EYS: variants seen among roughly 807,000 people sequenced by gnomAD.
EYS encodes the protein protein eyes shut homolog.
EYS carries 250 observed loss-of-function variants against 282.1 expected under a neutral mutation model. The ratio of observed to expected loss-of-function variants is 0.89; its 90% CI spans 0.80 to 0.98. The LOEUF (loss-of-function observed/expected upper bound fraction) is 0.98. Ranked by LOEUF, EYS falls within the 50% of genes least tolerant of loss-of-function variation. EYS has a pLI of 0.00. For missense variants in EYS, 4,016 were observed against 3,709.0 expected (o/e 1.08, Z -2.15); for synonymous variants, 1,355 against 1,282.9 (o/e 1.06, Z -1.20).
At chr6:64,564,057 G>A (rs914950237) in intron 26 of EYS, among the ~76,000 whole-genome samples, 16 of 151,792 alleles carry the variant, frequency 1.1e-4, no homozygotes, top group African/African-American at 3.1e-4. Flanking sequence ...GTTGCAATGA[G>A]CATGGGTAAA....
intron 33 of EYS, among the ~76,000 whole-genome samples, chr6:64,061,981 T>G (rs77162851): frequency 0.023 from 3,470 of 151,978 alleles, 137 homozygotes; most frequent in African/African-American, 0.08. Flanking sequence ...AAAAAAAAGT[T>G]TTTAGCCATC....
At chr6:64,055,624 A>G (rs1770959382) in intron 33 of EYS, among the ~76,000 whole-genome samples, 1 of 152,120 alleles carries the variant, frequency 6.6e-6, no homozygotes, top group Admixed American at 6.6e-5. Context: ...TGTTCTAATG[A>G]TATATCAGTG....
At chr6:64,333,812 A>G (rs1341445782) in intron 29 of EYS, among the ~76,000 whole-genome samples, 1 of 152,184 alleles carries the variant, frequency 6.6e-6, no homozygotes, top group Non-Finnish European at 1.5e-5. Context: ...TATCAGTTGA[A>G]AATGTGTTTA....
chr6:64,203,304 G>T (rs1028934180), intron 31 of EYS, among the ~76,000 whole-genome samples: 3 of 152,204 alleles, frequency 2.0e-5, no homozygotes, highest in Non-Finnish European at 4.4e-5. Flanking sequence ...TTCCCAAGTG[G>T]TGGGCAAGCC....
chr6:64,702,062 A>G (rs1770812413), intron 22 of EYS, among the ~76,000 whole-genome samples: 1 of 152,018 alleles, frequency 6.6e-6, no homozygotes. Flanking sequence ...GTTTTCAATA[A>G]CAAAAAACCT....
At chr6:65,670,468 C>G (rs776023774) in intron 1 of EYS, among the ~76,000 whole-genome samples, 3 of 152,030 alleles carry the variant, frequency 2.0e-5, no homozygotes. Context: ...ATATTAAACT[C>G]TGTGTGTGCT....
intron 1 of EYS, among the ~76,000 whole-genome samples, chr6:65,689,362 T>G (rs1158473989): frequency 6.2e-5 from 9 of 146,016 alleles, no homozygotes; most frequent in East Asian, 2.5e-4. Flanking sequence ...CATCACACAC[T>G]GGGGCCTGTT....
At chr6:63,840,416 T>A (rs1771926857) in intron 36 of EYS, among the ~76,000 whole-genome samples, 1 of 152,064 alleles carries the variant, frequency 6.6e-6, no homozygotes, top group African/African-American at 2.4e-5. Context: ...CTTGAGTTCC[T>A]TGTATATTCT....
intron 2 of EYS, among the ~76,000 whole-genome samples, chr6:65,500,845 A>T (rs1296046704): frequency 6.6e-6 from 1 of 151,932 alleles, no homozygotes; most frequent in African/African-American, 2.4e-5. Context: ...CAGTGATGTC[A>T]GGAGGTAGAA....
intron 35 of EYS, among the ~76,000 whole-genome samples, chr6:63,903,129 T>C (rs1384331388): frequency 6.6e-6 from 1 of 152,192 alleles, no homozygotes; most frequent in East Asian, 1.9e-4. Flanking sequence ...CTAGGTCAGC[T>C]TTACAGGTGT....
At chr6:64,417,649 T>C (rs943994471) in intron 28 of EYS, among the ~76,000 whole-genome samples, 4 of 150,538 alleles carry the variant, frequency 2.7e-5, no homozygotes, top group African/African-American at 9.7e-5. Context: ...AAATAATGCA[T>C]ATTCTTACCT....
At position 65,231,785 on chromosome 6, in the gene EYS, C is replaced by T. The variant is rs548278147; in HGVS notation, c.2023+64078G>A. ...TATAATTCCTTAAATCCTTAGTTACCGAGAAATATGCAACTATGCAGTCAT... is the reference window on the plus strand; with the variant it reads ...TATAATTCCTTAAATCCTTAGTTACTGAGAAATATGCAACTATGCAGTCAT... On this transcript the variant is annotated intron_variant, in intron 12 of 42. Transcript: ENST00000503581. Among the ~76,000 whole-genome samples the T allele has an allele frequency of 5.9e-5, 9 of 151,586 alleles. No individual in the cohort carries two copies. In the South Asian group the frequency reaches 1.7e-3, roughly 28 times the overall value.
intron 36 of EYS, among the ~76,000 whole-genome samples, chr6:63,839,198 C>T (rs1771885452): frequency 6.6e-6 from 1 of 152,174 alleles, no homozygotes; most frequent in Non-Finnish European, 1.5e-5. Context: ...CATTAACTAA[C>T]CTTTGGCTAT....
chr6:63,983,094 G>A (rs1477380996), intron 35 of EYS, among the ~76,000 whole-genome samples: 1 of 151,790 alleles, frequency 6.6e-6, no homozygotes, highest in Non-Finnish European at 1.5e-5. Context: ...CTTGAGGAAA[G>A]TGATGATAGT....
At chr6:65,471,407 C>CA (rs1205287740) in intron 5 of EYS, among the ~76,000 whole-genome samples, 17 of 150,340 alleles carry the variant, frequency 1.1e-4, no homozygotes, top group East Asian at 7.8e-4. Flanking sequence ...AAAACAAAAA[C>CA]AAAAAAAAGG....
At chr6:64,342,388 A>C (rs1771154847) in intron 29 of EYS, among the ~76,000 whole-genome samples, 1 of 152,018 alleles carries the variant, frequency 6.6e-6, no homozygotes, top group South Asian at 2.1e-4. Flanking sequence ...TCTACAAGCC[A>C]GAAGAGAGTG....
At chr6:64,886,216 C>A (rs567131307) in intron 19 of EYS, among the ~76,000 whole-genome samples, 1 of 151,944 alleles carries the variant, frequency 6.6e-6, no homozygotes, top group South Asian at 2.1e-4. Context: ...ATGACTTTTG[C>A]CTTTATGTTT....
chr6:64,404,382 T>A (rs570154722), intron 28 of EYS, among the ~76,000 whole-genome samples: 11 of 40,752 alleles, frequency 2.7e-4, no homozygotes, highest in South Asian at 5.6e-4. Context: ...AGTGTGAGAG[T>A]GTGTGTGTGT....
At chr6:65,038,216 C>A (rs1023620377) in intron 13 of EYS, among the ~76,000 whole-genome samples, 2 of 151,548 alleles carry the variant, frequency 1.3e-5, no homozygotes, top group African/African-American at 4.8e-5. Context: ...TTAAAACTCA[C>A]ATTTTTTAAA....
Sources: gnomAD v4.1 joint callset for allele counts (sites outside exome capture counted in the v4.1 genomes callset) on GRCh38, gnomAD v4.1.1 for gene constraint, MANE v1.5 for transcripts, NCBI Gene and HGNC (gene_info 2026-07-23, HGNC 2026-07-21) for gene names.